NCDN: variants seen among roughly 807,000 people sequenced by gnomAD.
NCDN encodes the protein norbin.
In NCDN, 9 loss-of-function variants were observed where a neutral mutation model predicts 60.7. The ratio of observed to expected loss-of-function variants is 0.15; its 90% confidence interval spans 0.09 to 0.26. The LOEUF is 0.26. NCDN is among the 10% of genes least tolerant of loss of function. The probability of loss-of-function intolerance (pLI) is 1.00; values close to 1 mark genes in which losing one functional copy is unlikely to be tolerated. For missense variants in NCDN, 578 were observed against 975.2 expected (o/e 0.59, Z 5.42); for synonymous variants, 409 against 442.5 (o/e 0.92, Z 0.95).
Position 35,558,568 on chromosome 1 carries a change from G to A in NCDN, c.33+345G>A, listed in dbSNP as rs1648512763. The A allele has an allele frequency of 1.6e-6, 2 of 1,282,888 alleles. No homozygotes were observed. Among genetic ancestry groups the A allele is most frequent in the Non-Finnish European group, 9.9e-7 (1 of 1,010,036 alleles). 79.5% of individuals were successfully genotyped at this position (1,282,888 alleles called of 1,614,324 possible). A position where few individuals can be genotyped will look rare whatever the true frequency, so the allele number is the denominator to read the frequency against. On this transcript the variant is annotated intron_variant, in intron 1 of 6. Coordinates refer to ENST00000373243, the MANE Select transcript of NCDN (RefSeq NM_014284.3). The surrounding 1 kb of genome is among the most constrained non-coding windows in gnomAD (Gnocchi z 6.3). ...GGCCTCCAAGCCTTCCCTGTTGAGC[G>A]TCTTGTATTCTCACTTCTGAAGCGT...
Position 35,566,649 on chromosome 1 carries a change from AC to A in NCDN, c.*987del. ...GGGGACCACACACACACACACACAC[AC>A]ACACACACACACACACACACACACA... On this transcript the variant is annotated 3_prime_UTR_variant, in exon 7 of 7. Coordinates refer to ENST00000373243, the MANE Select transcript of NCDN (RefSeq NM_014284.3). The surrounding 1 kb of genome is among the most constrained non-coding windows in gnomAD (Gnocchi z 5.3). 1 of 395,774 alleles carries A rather than the reference AC, an allele frequency of 2.5e-6. No homozygotes were observed. Among genetic ancestry groups the A allele is most frequent in the Non-Finnish European group, 5.1e-6 (1 of 196,648 alleles). 24.5% of individuals were successfully genotyped at this position (395,774 alleles called of 1,614,324 possible).
Position 35,562,748 on chromosome 1 carries a change from T to G in NCDN, c.1385+115T>G. The G allele has an allele frequency of 2.9e-5, 39 of 1,330,322 alleles. No individual in the cohort carries two copies. Among genetic ancestry groups the G allele is most frequent in the Non-Finnish European group, 3.4e-5 (34 of 989,806 alleles). 82.4% of individuals were successfully genotyped at this position (1,330,322 alleles called of 1,614,324 possible). A position where few individuals can be genotyped will look rare whatever the true frequency, so the allele number is the denominator to read the frequency against. ...CAGGCTTCCTGATTGGGCCATGAGA[T>G]ATCCCTTAGGGTTATTTCTGTTTTG... On this transcript the variant is annotated intron_variant, in intron 4 of 6. Coordinates refer to ENST00000373243, the MANE Select transcript of NCDN (RefSeq NM_014284.3). The surrounding 1 kb of genome is among the most constrained non-coding windows in gnomAD (Gnocchi z 6.8).
Position 35,558,316 on chromosome 1 carries a change from G to A in NCDN, c.33+93G>A, listed in dbSNP as rs920104378. 1.3e-4 allele frequency: 212 copies of A among 1,591,282 alleles called. 1 individual carries two copies. The highest frequency in any genetic ancestry group is 2.5e-4 in the South Asian group (22 of 89,020). ...CGGCTTTTGGATTCTCCGTTGTCCT[G>A]GGAACTATCCGGGACCCCCTCTTGC... On this transcript the variant is annotated intron_variant, in intron 1 of 6. Transcript: ENST00000373243. The surrounding 1 kb of genome is among the most constrained non-coding windows in gnomAD (Gnocchi z 6.3).
In NCDN at chr1:35,565,912, C is replaced by T. The variant is rs948548401; in HGVS notation, c.*249C>T. ...ATCAACGTGGTTGTCCCCGCCAGGC[C>T]GGGGAAGGTTGGAGCAGCCCCCAGG... On this transcript the variant is annotated 3_prime_UTR_variant, in exon 7 of 7. Transcript: ENST00000373243. The surrounding 1 kb of genome is among the most constrained non-coding windows in gnomAD (Gnocchi z 8.9). 4.2e-5 allele frequency: 21 copies of T among 504,774 alleles called. No homozygotes were observed. The highest frequency in any genetic ancestry group is 6.4e-5 in the Non-Finnish European group (18 of 283,224). 31.3% of individuals were successfully genotyped at this position (504,774 alleles called of 1,614,324 possible).
chr1:35,565,950 A>G lies in NCDN; in HGVS notation c.*287A>G, dbSNP rs889401856. The G allele has an allele frequency of 1.4e-5, 6 of 413,830 alleles. No homozygotes were observed. The highest frequency in any genetic ancestry group is 1.0e-4 in the African/African-American group (5 of 48,632). 25.6% of individuals were successfully genotyped at this position (413,830 alleles called of 1,614,324 possible). Reference sequence around the variant, plus strand: ...AGCAGCCCCCAGGGAGGGGGGCACTAGGTGTCATTGTGCCCGATGTCTGGC... The same window carrying G: ...AGCAGCCCCCAGGGAGGGGGGCACTGGGTGTCATTGTGCCCGATGTCTGGC... On this transcript the variant is annotated 3_prime_UTR_variant, in exon 7 of 7. Coordinates refer to ENST00000373243, the MANE Select transcript of NCDN (RefSeq NM_014284.3). This position sits in a 1 kb window ranked among gnomAD's most constrained non-coding sequence, Gnocchi z 8.9.
In NCDN at chr1:35,557,945, C is replaced by T; in HGVS notation, c.-246C>T. On this transcript the variant is annotated 5_prime_UTR_variant, in exon 1 of 7. Transcript: ENST00000373243. Reference sequence around the variant, plus strand: ...CAGCCGGGGCCTCTCCGAGCCGGCGCTGATCGATGCCGACACACCCCGGGG... The same window carrying T: ...CAGCCGGGGCCTCTCCGAGCCGGCGTTGATCGATGCCGACACACCCCGGGG... 1 of 645,552 alleles carries T rather than the reference C, an allele frequency of 1.5e-6. No homozygotes were observed. Among genetic ancestry groups the T allele is most frequent in the East Asian group, 2.8e-5 (1 of 35,998 alleles). The allele number at this position is 645,552 out of a possible 1,614,324, so 40.0% of individuals were successfully genotyped here.
At position 35,563,512 on chromosome 1, in the gene NCDN, G is replaced by GC. The variant is rs1181052040; in HGVS notation, c.1610+92dup. The GC allele has an allele frequency of 2.1e-6, 3 of 1,414,228 alleles. No individual in the cohort carries two copies. Among genetic ancestry groups the GC allele is most frequent in the African/African-American group, 1.4e-5 (1 of 70,712 alleles). The allele number at this position is 1,414,228 out of a possible 1,614,324, so 87.6% of individuals were successfully genotyped here. Reference sequence around the variant, plus strand: ...GCCTCAATTCTCAGTCTCCTACTTTGCCCCCCATGCCCATGGATTTGTTAG... The same window carrying GC: ...GCCTCAATTCTCAGTCTCCTACTTTGCCCCCCCATGCCCATGGATTTGTTAG... On this transcript the variant is annotated intron_variant, in intron 5 of 6. Coordinates refer to ENST00000373243, the MANE Select transcript of NCDN (RefSeq NM_014284.3). The surrounding 1 kb of genome is among the most constrained non-coding windows in gnomAD (Gnocchi z 6.6).
rs1557427412 is a variant in NCDN at position 35,565,336 on chromosome 1, C to A, written c.1863C>A (p.Ala621=). ...ATPGSDQAVL[A]LSPEYEGIWA... ...CGGGCTCAGACCAGGCAGTGCTAGC[C>A]CTGTCCCCTGAGTATGAGGGCATCT... The change falls in exon 7 of 7, where the codon GCC becomes GCA. Residue 621 remains alanine, a synonymous_variant. Coordinates refer to ENST00000373243, the MANE Select transcript of NCDN (RefSeq NM_014284.3). The surrounding 1 kb of genome is among the most constrained non-coding windows in gnomAD (Gnocchi z 8.9). The A allele has an allele frequency of 6.2e-7, 1 of 1,614,038 alleles. No individual in the cohort carries two copies. The highest frequency in any genetic ancestry group is 1.7e-5 in the Admixed American group (1 of 60,028).
chr1:35,558,351 C>G lies in NCDN; in HGVS notation c.33+128C>G. 1 of 1,539,082 alleles carries G rather than the reference C, an allele frequency of 6.5e-7. No homozygotes were observed. Among genetic ancestry groups the G allele is most frequent in the Non-Finnish European group, 8.8e-7 (1 of 1,141,754 alleles). Reference sequence around the variant, plus strand: ...CGGGACCCCCTCTTGCTTCTCCAGCCCCTGCCGGCATCCACAGGCTGGTAG... The same window carrying G: ...CGGGACCCCCTCTTGCTTCTCCAGCGCCTGCCGGCATCCACAGGCTGGTAG... On this transcript the variant is annotated intron_variant, in intron 1 of 6. Coordinates refer to ENST00000373243, the MANE Select transcript of NCDN (RefSeq NM_014284.3). This position sits in a 1 kb window ranked among gnomAD's most constrained non-coding sequence, Gnocchi z 6.3.
Position 35,558,370 on chromosome 1 carries a change from CT to C in NCDN, c.33+148del. 6.6e-7 allele frequency: 1 copy of C among 1,522,554 alleles called. No individual in the cohort carries two copies. Among genetic ancestry groups the C allele is most frequent in the Non-Finnish European group, 8.8e-7 (1 of 1,137,872 alleles). 94.3% of individuals were successfully genotyped at this position (1,522,554 alleles called of 1,614,324 possible). ...TCCAGCCCCTGCCGGCATCCACAGG[CT>C]GGTAGCGGGACGGGGAGGGCGAGAA... On this transcript the variant is annotated intron_variant, in intron 1 of 6. Transcript: ENST00000373243. The surrounding 1 kb of genome is among the most constrained non-coding windows in gnomAD (Gnocchi z 6.3).
intron 2 of NCDN, 92 bp downstream of exon 2, chr1:35,559,339 T>C: frequency 6.5e-7 from 1 of 1,539,294 alleles, no homozygotes; most frequent in East Asian, 2.3e-5. Flanking sequence ...GATATGTACG[T>C]AGTGCTAGCA....
At position 35,558,442 on chromosome 1, in the gene NCDN, G is replaced by T; in HGVS notation, c.33+219G>T. 2.1e-6 allele frequency: 3 copies of T among 1,441,774 alleles called. No individual in the cohort carries two copies. The highest frequency in any genetic ancestry group is 2.7e-6 in the Non-Finnish European group (3 of 1,101,896). The allele number at this position is 1,441,774 out of a possible 1,614,324, so 89.3% of individuals were successfully genotyped here. A position where few individuals can be genotyped will look rare whatever the true frequency, so the allele number is the denominator to read the frequency against. On this transcript the variant is annotated intron_variant, in intron 1 of 6. Transcript: ENST00000373243. The surrounding 1 kb of genome is among the most constrained non-coding windows in gnomAD (Gnocchi z 6.3). The stretch of plus-strand genomic sequence containing the variant: ...TTCTGCTGCTGCCGCCGCCGCTGCT[G>T]CTGCTGCTGCAGCCTCTACCCGAGG...
In NCDN at chr1:35,558,761, C is replaced by A; in HGVS notation, c.34-346C>A. 2 of 1,123,082 alleles carry A rather than the reference C, an allele frequency of 1.8e-6. No individual in the cohort carries two copies. The highest frequency in any genetic ancestry group is 3.1e-5 in the African/African-American group (2 of 63,870). The allele number at this position is 1,123,082 out of a possible 1,614,324, so 69.6% of individuals were successfully genotyped here. ...CCCTGTGGAGGGAGATAAAACCCAG[C>A]CTCCGGTGCCAGGGGGACAGCTGAG... On this transcript the variant is annotated intron_variant, in intron 1 of 6. Transcript: ENST00000373243. The surrounding 1 kb of genome is among the most constrained non-coding windows in gnomAD (Gnocchi z 6.3).
Position 35,557,968 on chromosome 1 carries a change from G to A in NCDN, c.-223G>A. 1.4e-6 allele frequency: 1 copy of A among 692,970 alleles called. No individual in the cohort carries two copies. Among genetic ancestry groups the A allele is most frequent in the East Asian group, 2.7e-5 (1 of 36,644 alleles). 42.9% of individuals were successfully genotyped at this position (692,970 alleles called of 1,614,324 possible). A position where few individuals can be genotyped will look rare whatever the true frequency, so the allele number is the denominator to read the frequency against. On this transcript the variant is annotated 5_prime_UTR_variant, in exon 1 of 7. Transcript: ENST00000373243. ...CGCTGATCGATGCCGACACACCCCGGGGACCCTATCGCGACTCCATCGCGC... is the reference window on the plus strand; with the variant it reads ...CGCTGATCGATGCCGACACACCCCGAGGACCCTATCGCGACTCCATCGCGC...
chr1:35,561,149 T>C lies in NCDN; in HGVS notation c.998T>C (p.Val333Ala). The change falls in exon 3 of 7, where the codon GTG becomes GCG. Residue 333 changes from valine to alanine, a missense_variant. Val to Ala is a moderately conservative substitution (Grantham distance 64). This residue lies in a region of NCDN where 363 missense variants were observed against 583.6 expected (regional missense o/e 0.62). Transcript: ENST00000373243. This position sits in a 1 kb window ranked among gnomAD's most constrained non-coding sequence, Gnocchi z 4.9. ...ACGGGCACGGAGGTGAAAGAGGATG[T>C]GGTGACCGCCTGCTATGCCCTCATG... is the stretch of plus-strand genomic sequence containing the variant. ...EETGTEVKED[V>A]VTACYALMEL... 3 of 1,610,128 alleles carry C rather than the reference T, an allele frequency of 1.9e-6. No homozygotes were observed. Among genetic ancestry groups the C allele is most frequent in the Non-Finnish European group, 2.5e-6 (3 of 1,178,306 alleles).
At position 35,566,703 on chromosome 1, in the gene NCDN, C is replaced by G; in HGVS notation, c.*1040C>G. 1 of 447,332 alleles carries G rather than the reference C, an allele frequency of 2.2e-6. No homozygotes were observed. The highest frequency in any genetic ancestry group is 4.5e-6 in the Non-Finnish European group (1 of 220,846). 27.7% of individuals were successfully genotyped at this position (447,332 alleles called of 1,614,324 possible). ...CACTCTTGATCCCTTGCTTCCCTCC[C>G]CCAGTGCGTTCTGTGATCGCCAAGT... On this transcript the variant is annotated 3_prime_UTR_variant, in exon 7 of 7. Coordinates refer to ENST00000373243, the MANE Select transcript of NCDN (RefSeq NM_014284.3). This position sits in a 1 kb window ranked among gnomAD's most constrained non-coding sequence, Gnocchi z 5.3.
Position 35,566,401 on chromosome 1 carries a change from C to A in NCDN, c.*738C>A. Reference sequence around the variant, plus strand: ...TTATTTATTTTGCCTGTCCTTATCCCTGCTTGGACACCTGAGCATCTGATT... The same window carrying A: ...TTATTTATTTTGCCTGTCCTTATCCATGCTTGGACACCTGAGCATCTGATT... On this transcript the variant is annotated 3_prime_UTR_variant, in exon 7 of 7. Transcript: ENST00000373243. The surrounding 1 kb of genome is among the most constrained non-coding windows in gnomAD (Gnocchi z 5.3). 4.3e-6 allele frequency: 1 copy of A among 234,286 alleles called. No individual in the cohort carries two copies. Among genetic ancestry groups the A allele is most frequent in the Non-Finnish European group, 8.7e-6 (1 of 115,116 alleles). The allele number at this position is 234,286 out of a possible 1,614,324, so 14.5% of individuals were successfully genotyped here. A position where few individuals can be genotyped will look rare whatever the true frequency, so the allele number is the denominator to read the frequency against.
Position 35,561,243 on chromosome 1 carries a change from C to G in NCDN, c.1092C>G (p.Leu364=). Residue 364 remains leucine (L), a synonymous_variant, in exon 3 of 7, where the codon CTC becomes CTG. Coordinates refer to ENST00000373243, the MANE Select transcript of NCDN (RefSeq NM_014284.3). This position sits in a 1 kb window ranked among gnomAD's most constrained non-coding sequence, Gnocchi z 4.9. The part of the protein sequence containing the change: ...SLLKEPQKVQ[L]VSVMKEAIGA... The stretch of plus-strand genomic sequence containing the variant: ...TTAAGGAGCCACAGAAGGTGCAGCT[C>G]GTGAGCGTCATGAAGGAGGCCATAG... 1 of 1,610,978 alleles carries G rather than the reference C, an allele frequency of 6.2e-7. No individual in the cohort carries two copies. The highest frequency in any genetic ancestry group is 1.7e-4 in the Middle Eastern group (1 of 6,056).
At position 35,561,371 on chromosome 1, in the gene NCDN, G is replaced by A; in HGVS notation, c.1143+77G>A. 6.7e-7 allele frequency: 1 copy of A among 1,492,662 alleles called. No individual in the cohort carries two copies. The highest frequency in any genetic ancestry group is 8.9e-7 in the Non-Finnish European group (1 of 1,127,616). The allele number at this position is 1,492,662 out of a possible 1,614,324, so 92.5% of individuals were successfully genotyped here. A position where few individuals can be genotyped will look rare whatever the true frequency, so the allele number is the denominator to read the frequency against. On this transcript the variant is annotated intron_variant, in intron 3 of 6. Transcript: ENST00000373243. This position sits in a 1 kb window ranked among gnomAD's most constrained non-coding sequence, Gnocchi z 4.9. ...TGGAGCTGGGAGGCAAGGGGGAGGA[G>A]AATAATGGGGAGACAGCGAAGCTGC...
Sources: allele counts gnomAD v4.1 joint callset, GRCh38; gene constraint gnomAD v4.1.1; regional missense constraint gnomAD v4.1.1; non-coding constraint Gnocchi (gnomAD v3.1); transcripts MANE v1.5; gene names NCBI Gene and HGNC (gene_info 2026-07-23, HGNC 2026-07-21).